The following SCN9A variants were observed in gnomAD, a reference collection of about 807,000 sequenced individuals.
The protein encoded by SCN9A is sodium channel protein type 9 subunit alpha.
Under a neutral mutation model 187.0 loss-of-function variants are expected in SCN9A, and 131 were observed. That is an observed-to-expected ratio of 0.70 (90% CI 0.61 to 0.81). SCN9A has a LOEUF of 0.81. Among genes scored for constraint, SCN9A ranks in the 30% least tolerant of loss-of-function variants. The probability of loss-of-function intolerance (pLI) is 0.00; values close to 1 mark genes in which losing one functional copy is unlikely to be tolerated. For missense variants in SCN9A, 2,252 were observed against 2,396.6 expected (o/e 0.94, Z 1.26); for synonymous variants, 809 against 808.6 (o/e 1.00, Z -0.01).
At chr2:166,371,086 G>A (rs571600152) in intron 1 of SCN9A, among the ~76,000 whole-genome samples, 10 of 152,110 alleles carry the variant, frequency 6.6e-5, no homozygotes, top group Non-Finnish European at 7.4e-5. Context: ...TTAAAGTAAC[G>A]TTAGGTTTCA....
intron 17 of SCN9A, among the ~76,000 whole-genome samples, chr2:166,264,349 A>G (rs1696642629): frequency 6.6e-6 from 1 of 151,942 alleles, no homozygotes; most frequent in Non-Finnish European, 1.5e-5. Context: ...GCACTTCAGG[A>G]GAAGGCTGAC....
At chr2:166,257,580 A>G (rs887699487) in intron 17 of SCN9A, among the ~76,000 whole-genome samples, 14 of 151,730 alleles carry the variant, frequency 9.2e-5, no homozygotes, top group African/African-American at 2.7e-4. Context: ...ATTTCAAGTC[A>G]TTCTTAACTG....
intron 1 of SCN9A, among the ~76,000 whole-genome samples, chr2:166,327,691 A>C (rs1397946600): frequency 6.6e-6 from 1 of 151,904 alleles, no homozygotes; most frequent in Admixed American, 6.6e-5. Flanking sequence ...CCTCACTACA[A>C]CACCTCAATT....
rs1697441525 is a variant in SCN9A, at chr2:166,280,612, G to T, written c.2105-17C>A. On this transcript the variant is annotated splice_polypyrimidine_tract_variant and intron_variant, in intron 13 of 26. Coordinates refer to ENST00000642356, the MANE Select transcript of SCN9A (RefSeq NM_001365536.1). Reference sequence around the variant, plus strand: ...CTTCAAGTTCTGGGAGAAAAAAGCAGAGAACATGGAGTCAGCCATTTGTCT... The same window carrying T: ...CTTCAAGTTCTGGGAGAAAAAAGCATAGAACATGGAGTCAGCCATTTGTCT... 6 of 1,400,058 alleles carry T rather than the reference G, an allele frequency of 4.3e-6. No homozygotes were observed. The highest frequency in any genetic ancestry group is 5.9e-6 in the Non-Finnish European group (6 of 1,011,972). The allele number at this position is 1,400,058 out of a possible 1,614,324, so 86.7% of individuals were successfully genotyped here.
chr2:166,367,387 C>T (rs546146748), intron 1 of SCN9A, among the ~76,000 whole-genome samples: 14 of 152,228 alleles, frequency 9.2e-5, no homozygotes, highest in South Asian at 8.3e-4. Context: ...CTCAGCCTCC[C>T]GAGAAGCTGG....
chr2:166,319,338 T>C (rs1329721009), intron 1 of SCN9A, among the ~76,000 whole-genome samples: 1 of 139,842 alleles, frequency 7.2e-6, no homozygotes, highest in African/African-American at 2.5e-5. Flanking sequence ...TTACTTTGGA[T>C]TAAGGTAGAG....
intron 20 of SCN9A, among the ~76,000 whole-genome samples, chr2:166,235,857 C>A (rs1445343175): frequency 6.9e-6 from 1 of 145,950 alleles, no homozygotes; most frequent in Non-Finnish European, 1.5e-5. Flanking sequence ...ACATTACATA[C>A]CCCTGAACAG....
chr2:166,225,590 G>A (rs944029408), intron 24 of SCN9A, among the ~76,000 whole-genome samples: 57 of 152,264 alleles, frequency 3.7e-4, no homozygotes, highest in African/African-American at 1.3e-3. Flanking sequence ...TGTGATTGAT[G>A]TTATGGGTTG....
At chr2:166,337,499 C>G (rs1699657971) in intron 1 of SCN9A, among the ~76,000 whole-genome samples, 2 of 152,028 alleles carry the variant, frequency 1.3e-5, no homozygotes, top group African/African-American at 4.8e-5. Flanking sequence ...TATTCCTAGT[C>G]CCAAGAGGCT....
chr2:166,362,721 T>G (rs1012570777), intron 1 of SCN9A, among the ~76,000 whole-genome samples: 18 of 151,926 alleles, frequency 1.2e-4, no homozygotes, highest in African/African-American at 4.3e-4. Context: ...GGAATTAAAA[T>G]TATTAAATTA....
chr2:166,314,343 G>C (rs1367521995), intron 1 of SCN9A, among the ~76,000 whole-genome samples: 1 of 152,120 alleles, frequency 6.6e-6, no homozygotes, highest in Non-Finnish European at 1.5e-5. Context: ...CCAAAGTTAG[G>C]ATAAAGGTTT....
intron 18 of SCN9A, among the ~76,000 whole-genome samples, chr2:166,245,323 A>G (rs36073236): frequency 0.074 from 11,308 of 152,092 alleles, 558 homozygotes; most frequent in Middle Eastern, 0.23. Flanking sequence ...AGTAAATGAT[A>G]TAAGTACACA....
intron 1 of SCN9A, among the ~76,000 whole-genome samples, chr2:166,351,803 G>A (rs770507859): frequency 2.0e-5 from 3 of 152,056 alleles, no homozygotes; most frequent in Non-Finnish European, 4.4e-5. Context: ...TTCTTGATTA[G>A]ATTGGAAACA....
chr2:166,281,373 A>G lies in SCN9A; in HGVS notation c.2104+306T>C, dbSNP rs73969652. Reference sequence around the variant, plus strand: ...AACCTTGTTTTCTGCATCAATTACTATTAAATCACTTATCTTTGAAAGGTC... The same window carrying G: ...AACCTTGTTTTCTGCATCAATTACTGTTAAATCACTTATCTTTGAAAGGTC... On this transcript the variant is annotated intron_variant, in intron 13 of 26. Transcript: ENST00000642356. Among the ~76,000 whole-genome samples the G allele has an allele frequency of 6.3e-3, 964 of 152,292 alleles. 8 individuals are homozygous for G. Among genetic ancestry groups the G allele is most frequent in the African/African-American group, 0.022 (903 of 41,576 alleles).
intron 21 of SCN9A, among the ~76,000 whole-genome samples, chr2:166,231,100 T>C (rs1385207430): frequency 1.3e-5 from 2 of 152,340 alleles, no homozygotes; most frequent in East Asian, 3.9e-4. Context: ...AATTCACCTG[T>C]AATACAGATA....
chr2:166,251,653 A>G (rs1574807805), intron 18 of SCN9A, 112 bp downstream of exon 18: 3 of 1,111,140 alleles, frequency 2.7e-6, no homozygotes, highest in East Asian at 4.8e-5. Context: ...CTGAATCAGC[A>G]TGGAATGGAG....
intron 17 of SCN9A, among the ~76,000 whole-genome samples, chr2:166,257,594 A>G (rs1696334331): frequency 6.6e-6 from 1 of 151,608 alleles, no homozygotes. Context: ...TTAACTGAAT[A>G]TTCAGTTTTT....
intron 13 of SCN9A, among the ~76,000 whole-genome samples, chr2:166,280,869 G>T (rs967762256): frequency 4.6e-5 from 7 of 152,188 alleles, no homozygotes; most frequent in African/African-American, 1.2e-4. Flanking sequence ...CACCTAACAT[G>T]TGATGGTAAA....
At chr2:166,251,687 T>C in intron 18 of SCN9A, 78 bp downstream of exon 18, 2 of 1,486,884 alleles carry the variant, frequency 1.3e-6, no homozygotes, top group Non-Finnish European at 1.9e-6. Context: ...CGACAACCTC[T>C]GGTAAGTATT....
Sources: gnomAD v4.1 joint callset for allele counts (sites outside exome capture counted in the v4.1 genomes callset) on GRCh38, gnomAD v4.1.1 for gene constraint, MANE v1.5 for transcripts, NCBI Gene and HGNC (gene_info 2026-07-23, HGNC 2026-07-21) for gene names.